Variants in FBN2 observed in about 807,000 individuals in gnomAD.
The protein encoded by FBN2 is fibrillin-2.
A neutral mutation model predicts 355.6 loss-of-function variants in FBN2; 105 were observed. The observed-to-expected ratio is 0.30, with a 90% CI of 0.25 to 0.35. The LOEUF (loss-of-function observed/expected upper bound fraction) is 0.35. FBN2 is among the 10% of genes least tolerant of loss of function. The probability of loss-of-function intolerance (pLI) is 1.00; values close to 1 mark genes in which losing one functional copy is unlikely to be tolerated. For missense variants in FBN2, 3,280 were observed against 3,758.7 expected, an observed-to-expected ratio of 0.87 and a Z score of 3.33; for synonymous variants, 1,350 against 1,301.2, an observed-to-expected ratio of 1.04 and a Z score of -0.81.
chr5:128,469,449 T>G (rs34171917), intron 5 of FBN2, among the ~76,000 whole-genome samples: 56,935 of 149,526 alleles, frequency 0.38, 12,754 homozygotes, highest in African/African-American at 0.64. Flanking sequence ...GAGAATGGTG[T>G]GAACCCAGGA....
At chr5:128,315,673 T>C (rs2126851084) in intron 36 of FBN2, among the ~76,000 whole-genome samples, 1 of 152,330 alleles carries the variant, frequency 6.6e-6, no homozygotes, top group African/African-American at 2.4e-5. Context: ...TACCTGCCTT[T>C]ATCTCTGTCT....
chr5:128,327,319 T>G (rs185633503), intron 34 of FBN2, among the ~76,000 whole-genome samples: 20 of 152,342 alleles, frequency 1.3e-4, no homozygotes, highest in Admixed American at 7.2e-4. Context: ...GAGAATTTCA[T>G]GAACTTTTGG....
chr5:128,361,744 T>G lies in FBN2; in HGVS notation c.2533A>C (p.Thr845Pro), dbSNP rs759530550. The change falls in exon 19 of 65, where the codon ACT becomes CCT. Residue 845 changes from threonine to proline, a missense_variant. This residue lies in a region of FBN2 where 2,284 missense variants were observed against 2,749.5 expected (regional missense o/e 0.83). Coordinates refer to ENST00000262464, the MANE Select transcript of FBN2 (RefSeq NM_001999.4). ...CTCPPGYVFRTETETCEDINE... is the reference protein window; with the variant it reads ...CTCPPGYVFRPETETCEDINE... ...TTACCTTCACAGGTCTCTGTCTCAG[T>G]CCTGAACACATACCCTGGTGGGCAC... 6.2e-7 allele frequency: 1 copy of G among 1,614,204 alleles called. No homozygotes were observed. The highest frequency in any genetic ancestry group is 1.7e-5 in the Admixed American group (1 of 60,026).
chr5:128,509,055 T>C (rs1291708127), intron 5 of FBN2, among the ~76,000 whole-genome samples: 1 of 152,116 alleles, frequency 6.6e-6, no homozygotes, highest in Non-Finnish European at 1.5e-5. Context: ...AGAAATTGAT[T>C]ATGATGTATC....
chr5:128,289,204 C>T lies in FBN2; in HGVS notation c.6560G>A (p.Cys2187Tyr), dbSNP rs1471927589. Residue 2187 changes from cysteine (C) to tyrosine (Y), a missense_variant, in exon 52 of 65, where the codon TGT becomes TAT. Cys to Tyr is a radical substitution (Grantham distance 194, BLOSUM62 -2). Around this residue, in one of 6 missense-constraint regions of FBN2, gnomAD observed 2,284 missense variants for 2,749.5 expected, o/e 0.83. Transcript: ENST00000262464. ...ESPGICSNGQ[C>Y]INTDGSFRCE... ...GCGAAAAGATCCGTCGGTGTTGATA[C>T]ATTGACCATTTGAACAAATGCCTGG... is the stretch of plus-strand genomic sequence containing the variant. 1.2e-6 allele frequency: 2 copies of T among 1,613,760 alleles called. No homozygotes were observed. Among genetic ancestry groups the T allele is most frequent in the South Asian group, 2.2e-5 (2 of 91,080 alleles).
chr5:128,537,482 T>C lies in FBN2; in HGVS notation c.122A>G (p.Gln41Arg). Residue 41 changes from glutamine (Q) to arginine (R), a missense_variant, in exon 1 of 65, where the codon CAG becomes CGG. Gln to Arg is a conservative substitution (Grantham distance 43). Transcript: ENST00000262464. ...GGACCGAACCTGTTGCGGCGGCGGC[T>C]GGGGCCGGGGCGGCTTGGGCGGAGG... The part of the protein sequence containing the change: ...QPPPPKPPRP[Q>R]PPPQQVRSAT... 1 of 1,597,180 alleles carries C rather than the reference T, an allele frequency of 6.3e-7. No homozygotes were observed. The highest frequency in any genetic ancestry group is 8.5e-7 in the Non-Finnish European group (1 of 1,173,814).
chr5:128,303,166 A>G (rs1413843651), intron 45 of FBN2, 77 bp from the exon 46 acceptor site: 4 of 842,944 alleles, frequency 4.7e-6, no homozygotes, highest in Non-Finnish European at 8.3e-6. Flanking sequence ...TATATGTTTA[A>G]CTTATGGAAT....
intron 6 of FBN2, among the ~76,000 whole-genome samples, chr5:128,454,648 C>G (rs1004875246): frequency 6.6e-6 from 1 of 152,222 alleles, no homozygotes; most frequent in Admixed American, 6.5e-5. Flanking sequence ...AAGTCCTCTA[C>G]TCTCTCACAT....
chr5:128,455,520 G>C (rs1754356757), intron 6 of FBN2, among the ~76,000 whole-genome samples: 1 of 152,108 alleles, frequency 6.6e-6, no homozygotes, highest in Admixed American at 6.5e-5. Flanking sequence ...GTGGGGCCAA[G>C]ATGGCCGACT....
chr5:128,537,955 T>G lies in FBN2; in HGVS notation c.-352A>C. 2.9e-6 allele frequency: 1 copy of G among 345,324 alleles called. No homozygotes were observed. The highest frequency in any genetic ancestry group is 6.1e-5 in the South Asian group (1 of 16,384). The allele number at this position is 345,324 out of a possible 1,614,324, so 21.4% of individuals were successfully genotyped here. On this transcript the variant is annotated 5_prime_UTR_variant, in exon 1 of 65. Transcript: ENST00000262464. Reference sequence around the variant, plus strand: ...AATTACAAAAGCCCTGGCGTAAAATTTCAAAAAATGTGAACCTCAAAAGAA... The same window carrying G: ...AATTACAAAAGCCCTGGCGTAAAATGTCAAAAAATGTGAACCTCAAAAGAA...
chr5:128,409,044 T>C (rs762681918), intron 7 of FBN2, among the ~76,000 whole-genome samples: 1 of 152,144 alleles, frequency 6.6e-6, no homozygotes, highest in Non-Finnish European at 1.5e-5. Flanking sequence ...TACCCTTTTT[T>C]AAAAATGCAA....
At chr5:128,456,020 A>AAAAAAAAC (rs1420577285) in intron 6 of FBN2, among the ~76,000 whole-genome samples, 2 of 148,590 alleles carry the variant, frequency 1.3e-5, no homozygotes, top group Non-Finnish European at 3.0e-5. Flanking sequence ...AAAAAAAAAA[A>AAAAAAAAC]AAAGCAACTG....
chr5:128,298,837 C>T (rs988949895), intron 48 of FBN2, among the ~76,000 whole-genome samples: 28 of 152,302 alleles, frequency 1.8e-4, no homozygotes, highest in East Asian at 7.7e-4. Flanking sequence ...TCTCTCAGCT[C>T]GTCAAAGTTA....
At chr5:128,425,562 A>G (rs1473854046) in intron 7 of FBN2, among the ~76,000 whole-genome samples, 1 of 152,170 alleles carries the variant, frequency 6.6e-6, no homozygotes, top group Non-Finnish European at 1.5e-5. Flanking sequence ...GGATTTTAAA[A>G]CAAATTTTTG....
chr5:128,475,171 G>C (rs1379903230), intron 5 of FBN2, among the ~76,000 whole-genome samples: 1 of 152,088 alleles, frequency 6.6e-6, no homozygotes, highest in Non-Finnish European at 1.5e-5. Context: ...AGGCGCAAGA[G>C]CAAAGACATC....
chr5:128,354,027 T>C (rs1751438413), intron 20 of FBN2, among the ~76,000 whole-genome samples: 2 of 152,182 alleles, frequency 1.3e-5, no homozygotes, highest in Admixed American at 6.5e-5. Flanking sequence ...TGTGTGTGTA[T>C]GCCCATCCCG....
intron 5 of FBN2, among the ~76,000 whole-genome samples, chr5:128,477,071 T>C (rs1194384458): frequency 6.6e-6 from 1 of 152,246 alleles, no homozygotes; most frequent in African/African-American, 2.4e-5. Flanking sequence ...AATGTGGGTT[T>C]TTTTAAATCA....
chr5:128,500,300 C>G (rs546796707), intron 5 of FBN2, among the ~76,000 whole-genome samples: 5 of 151,960 alleles, frequency 3.3e-5, no homozygotes, highest in African/African-American at 1.2e-4. Flanking sequence ...CTGTCAGCAG[C>G]TAAAGAAGAA....
chr5:128,462,868 T>C (rs149774300), intron 6 of FBN2, among the ~76,000 whole-genome samples: 274 of 152,318 alleles, frequency 1.8e-3, no homozygotes, highest in Non-Finnish European at 3.1e-3. Context: ...AATCTTAATG[T>C]CATTTATTAA....
Sources: allele counts gnomAD v4.1 joint callset (sites outside exome capture counted in the v4.1 genomes callset), GRCh38; gene constraint gnomAD v4.1.1; regional missense constraint gnomAD v4.1.1; transcripts MANE v1.5; gene names NCBI Gene and HGNC (gene_info 2026-07-23, HGNC 2026-07-21).